Variants in SPTBN2 observed in about 807,000 individuals in gnomAD.
The protein encoded by SPTBN2 is spectrin beta chain, non-erythrocytic 2.
In SPTBN2, 107 loss-of-function variants were observed where a neutral mutation model predicts 284.2. The ratio of observed to expected loss-of-function variants is 0.38; its 90% CI spans 0.32 to 0.44. The LOEUF is 0.44. SPTBN2 is among the 20% of genes least tolerant of loss of function. The pLI, the probability that SPTBN2 is intolerant of heterozygous loss-of-function variation, is 1.00. For synonymous variants in SPTBN2, 1,289 were observed against 1,354.8 expected (o/e 0.95, Z 1.07); for missense variants, 2,569 against 3,287.1 (o/e 0.78, Z 5.34).
intron 27 of SPTBN2, 55 bp from the exon 28 acceptor site, chr11:66,690,338 C>T: frequency 6.6e-7 from 1 of 1,509,078 alleles, no homozygotes; most frequent in South Asian, 1.3e-5. Flanking sequence ...GGAGCCGCAG[C>T]CTGCCTCAGT....
In SPTBN2 at chr11:66,704,958, G is replaced by A; in HGVS notation, c.2318C>T (p.Pro773Leu). 3.1e-6 allele frequency: 5 copies of A among 1,609,712 alleles called. No homozygotes were observed. The highest frequency in any genetic ancestry group is 4.2e-6 in the Non-Finnish European group (5 of 1,179,880). Residue 773 changes from proline (P) to leucine (L), a missense_variant, in exon 15 of 38, where the codon CCC becomes CTC. Around this residue, in one of 6 missense-constraint regions of SPTBN2, gnomAD observed 1,012 missense variants for 1,248.9 expected, o/e 0.81. Coordinates refer to ENST00000533211, the MANE Select transcript of SPTBN2 (RefSeq NM_006946.4). ...LVDALRLVSSPELGHDEFSTQ... is the reference protein window; with the variant it reads ...LVDALRLVSSLELGHDEFSTQ... ...GGAGAACTCGTCGTGCCCCAGCTCG[G>A]GGCTGGACACCAGGCGCAGTGCGTC...
At chr11:66,692,268 G>A (rs928134332) in intron 26 of SPTBN2, among the ~76,000 whole-genome samples, 1 of 152,016 alleles carries the variant, frequency 6.6e-6, no homozygotes, top group Non-Finnish European at 1.5e-5. Flanking sequence ...AGAGATGGGG[G>A]GTCTCACTAT....
chr11:66,704,830 TG>T lies in SPTBN2; in HGVS notation c.2445del (p.Thr816HisfsTer2). The T allele has an allele frequency of 1.2e-6, 2 of 1,607,502 alleles. No individual in the cohort carries two copies. ...ALREQAAALP[P>X]TLSRTPEVQS... is the part of the protein sequence containing the mutation. Reference sequence around the variant, plus strand: ...TGCACCTCGGGCGTGCGGCTCAGTGTGGGGGGCAGGGCTGCTGCCTGTTCCC... The same window carrying T: ...TGCACCTCGGGCGTGCGGCTCAGTGTGGGGGCAGGGCTGCTGCCTGTTCCC... On this transcript the variant is annotated frameshift_variant, in exon 15 of 38. Transcript: ENST00000533211. LOFTEE classifies it high-confidence loss of function.
Position 66,715,120 on chromosome 11 carries a change from A to T in SPTBN2, c.483+102T>A. 6.8e-7 allele frequency: 1 copy of T among 1,472,346 alleles called. No homozygotes were observed. Among genetic ancestry groups the T allele is most frequent in the Non-Finnish European group, 9.4e-7 (1 of 1,059,964 alleles). The allele number at this position is 1,472,346 out of a possible 1,614,324, so 91.2% of individuals were successfully genotyped here. On this transcript the variant is annotated intron_variant, in intron 5 of 37. Transcript: ENST00000533211. This position sits in a 1 kb window ranked among gnomAD's most constrained non-coding sequence, Gnocchi z 5.3. ...TGGCAGCTGCTACATAAGGTTCTAG[A>T]TCCTCCATCTTTGTGTTTGTTGTGT...
At position 66,721,254 on chromosome 11, in the gene SPTBN2, TTCCTGC is replaced by T; in HGVS notation, c.-20_-15del. The T allele has an allele frequency of 1.2e-6, 2 of 1,614,104 alleles. No homozygotes were observed. The highest frequency in any genetic ancestry group is 1.7e-6 in the Non-Finnish European group (2 of 1,179,988). ...CGTGCTGCTCATGGTGGTAGGCGGC[TTCCTGC>T]TCCTGCAAGGAGAATGTGGCCAGTG... On this transcript the variant is annotated splice_region_variant and 5_prime_UTR_variant, in exon 3 of 38. Transcript: ENST00000533211.
intron 1 of SPTBN2, among the ~76,000 whole-genome samples, chr11:66,742,505 G>A (rs945097870): frequency 6.6e-6 from 1 of 152,086 alleles, no homozygotes; most frequent in Non-Finnish European, 1.5e-5. Flanking sequence ...AAAGCTAGAG[G>A]CTCATTTCCA....
chr11:66,690,132 G>A lies in SPTBN2; in HGVS notation c.5717C>T (p.Thr1906Ile). ...CTTGAAGAAGCGGAACTTGTCTGTG[G>A]TGTCCAGCAGCAGCTGCCGGCGGGC... The part of the protein sequence containing the change: ...SAARRQLLLD[T>I]TDKFRFFKAV... Residue 1906 changes from threonine to isoleucine, a missense_variant, in exon 28 of 38, where the codon ACC becomes ATC. Coordinates refer to ENST00000533211, the MANE Select transcript of SPTBN2 (RefSeq NM_006946.4). The A allele has an allele frequency of 2.5e-6, 4 of 1,614,222 alleles. No individual in the cohort carries two copies. The highest frequency in any genetic ancestry group is 3.4e-6 in the Non-Finnish European group (4 of 1,180,050).
chr11:66,736,549 C>CT (rs1942851917), intron 1 of SPTBN2, among the ~76,000 whole-genome samples: 1 of 152,190 alleles, frequency 6.6e-6, no homozygotes, highest in Admixed American at 6.5e-5. Context: ...GCTCATGCCA[C>CT]TAACCCCTGT....
At chr11:66,734,935 A>G (rs1942841985) in intron 1 of SPTBN2, among the ~76,000 whole-genome samples, 1 of 152,234 alleles carries the variant, frequency 6.6e-6, no homozygotes, top group South Asian at 2.1e-4. Context: ...CAACGGCAAC[A>G]GCAAGTAAGT....
At chr11:66,741,677 G>T (rs1942896324) in intron 1 of SPTBN2, among the ~76,000 whole-genome samples, 1 of 152,112 alleles carries the variant, frequency 6.6e-6, no homozygotes, top group African/African-American at 2.4e-5. Flanking sequence ...GTTAACTAAG[G>T]TGACCTTAAC....
chr11:66,708,564 T>C lies in SPTBN2; in HGVS notation c.1192-265A>G, dbSNP rs752305411. Among the ~76,000 whole-genome samples, 5 of 152,212 alleles carry C rather than the reference T, an allele frequency of 3.3e-5. No individual in the cohort carries two copies. The highest frequency in any genetic ancestry group is 5.9e-5 in the Non-Finnish European group (4 of 68,036). On this transcript the variant is annotated intron_variant, in intron 11 of 37. Transcript: ENST00000533211. The surrounding 1 kb of genome is among the most constrained non-coding windows in gnomAD (Gnocchi z 4.4). ...TTGGCAGGACTGTGTGCGAACCTTA[T>C]TTTTACTTTTAGTAATCTTACAATA...
In SPTBN2 at chr11:66,701,137, C is replaced by T. The variant is rs766704893; in HGVS notation, c.2962G>A (p.Gly988Ser). The change falls in exon 17 of 38, where the codon GGC becomes AGC. Residue 988 changes from glycine to serine, a missense_variant. Gly to Ser is a moderately conservative substitution (Grantham distance 56, BLOSUM62 0). Transcript: ENST00000533211. ...TKVIESTQGL[G>S]NDLAGVLALQ... Reference sequence around the variant, plus strand: ...GCCAGCACCCCAGCCAGATCGTTGCCTAGGCCCTGGGTGGACTCGATGACT... The same window carrying T: ...GCCAGCACCCCAGCCAGATCGTTGCTTAGGCCCTGGGTGGACTCGATGACT... 2 of 1,613,172 alleles carry T rather than the reference C, an allele frequency of 1.2e-6. No individual in the cohort carries two copies. The highest frequency in any genetic ancestry group is 1.1e-5 in the South Asian group (1 of 91,086).
At position 66,689,097 on chromosome 11, in the gene SPTBN2, C is replaced by G; in HGVS notation, c.6033G>C (p.Leu2011=). Residue 2011 remains leucine, a splice_region_variant and synonymous_variant, in exon 30 of 38, where the codon CTG becomes CTC. Transcript: ENST00000533211. ...CCTGGGGCCCCCTTGGCAGCTCACC[C>G]AGCTGAAGCCAGTCCATCTTCTCCT... The part of the protein sequence containing the change: ...KWQEKMDWLQ[L]VLEVLVFGRD... The G allele has an allele frequency of 3.1e-6, 5 of 1,606,278 alleles. No homozygotes were observed. The South Asian group carries it at 5.6e-5, about 18-fold the overall frequency.
intron 1 of SPTBN2, among the ~76,000 whole-genome samples, chr11:66,743,854 C>CG (rs938434008): frequency 2.0e-5 from 3 of 152,060 alleles, no homozygotes; most frequent in Non-Finnish European, 4.4e-5. Flanking sequence ...AGGTAAAAGA[C>CG]GGGGGGTCGT....
intron 30 of SPTBN2, 43 bp downstream of exon 30, chr11:66,689,053 C>T (rs1490619662): frequency 8.3e-6 from 13 of 1,567,088 alleles, no homozygotes; most frequent in Non-Finnish European, 1.0e-5. Context: ...GTGCAGGATG[C>T]CCCCCACTCC....
Position 66,691,204 on chromosome 11 carries a change from C to A in SPTBN2, c.5565+80G>T. ...CCTCCCAGCATTTCTGAGCTCTACC[C>A]TAGCTCCTGGGAACTCTCCCCGGCA... On this transcript the variant is annotated intron_variant, in intron 27 of 37. Transcript: ENST00000533211. This position sits in a 1 kb window ranked among gnomAD's most constrained non-coding sequence, Gnocchi z 8.0. The A allele has an allele frequency of 6.7e-7, 1 of 1,486,456 alleles. No homozygotes were observed. The highest frequency in any genetic ancestry group is 1.5e-5 in the South Asian group (1 of 68,750). 92.1% of individuals were successfully genotyped at this position (1,486,456 alleles called of 1,614,324 possible).
At chr11:66,694,102 T>TG (rs755985182) in intron 22 of SPTBN2, 37 bp downstream of exon 22, 77 of 1,598,152 alleles carry the variant, frequency 4.8e-5, no homozygotes, top group Non-Finnish European at 5.7e-5. Context: ...ACCACATGGC[T>TG]GGGGGCAGCT....
At position 66,708,091 on chromosome 11, in the gene SPTBN2, T is replaced by C. The variant is rs1452093805; in HGVS notation, c.1350+50A>G. The C allele has an allele frequency of 4.3e-6, 7 of 1,610,462 alleles. No individual in the cohort carries two copies. Among genetic ancestry groups the C allele is most frequent in the Middle Eastern group, 3.3e-4 (2 of 6,076 alleles). The stretch of plus-strand genomic sequence containing the variant: ...CGCGGGGCTTCTTATCCACCCTGTC[T>C]CTCTCCCAGTTCTGACCAGCCTAAG... On this transcript the variant is annotated intron_variant, in intron 12 of 37. Transcript: ENST00000533211. This position sits in a 1 kb window ranked among gnomAD's most constrained non-coding sequence, Gnocchi z 4.4.
chr11:66,733,414 C>A (rs1333840808), upstream of SPTBN2, among the ~76,000 whole-genome samples: 1 of 152,058 alleles, frequency 6.6e-6, no homozygotes, highest in East Asian at 1.9e-4. Flanking sequence ...GGGATAGATA[C>A]AGGGGTGGTG....
Sources: gnomAD v4.1 joint callset for allele counts (sites outside exome capture counted in the v4.1 genomes callset) on GRCh38, gnomAD v4.1.1 for gene constraint, gnomAD v4.1.1 regional missense constraint, Gnocchi (gnomAD v3.1) non-coding constraint, MANE v1.5 for transcripts, NCBI Gene and HGNC (gene_info 2026-07-23, HGNC 2026-07-21) for gene names.